Variants in OXR1 observed in about 807,000 individuals in gnomAD.
OXR1 encodes the protein oxidation resistance 1.
OXR1 carries 41 observed loss-of-function variants against 104.6 expected under a neutral mutation model. The observed-to-expected ratio is 0.39, with a 90% CI of 0.31 to 0.51. OXR1 has a LOEUF of 0.51. Among genes scored for constraint, OXR1 ranks in the 20% least tolerant of loss-of-function variants. The probability of loss-of-function intolerance (pLI) is 0.77; values close to 1 mark genes in which losing one functional copy is unlikely to be tolerated. For missense variants in OXR1, 955 were observed against 1,031.9 expected, an observed-to-expected ratio of 0.93 and a Z score of 1.02; for synonymous variants, 348 against 348.4, an observed-to-expected ratio of 1.00 and a Z score of 0.01.
chr8:106,419,244 C>T (rs1010506369), intron 2 of OXR1, among the ~76,000 whole-genome samples: 3 of 152,146 alleles, frequency 2.0e-5, no homozygotes, highest in South Asian at 2.1e-4. Context: ...TCAGAACTCA[C>T]GGTGACTTAA....
chr8:106,343,790 T>G (rs2130279592), intron 1 of OXR1, among the ~76,000 whole-genome samples: 1 of 152,332 alleles, frequency 6.6e-6, no homozygotes. Flanking sequence ...TATTTAGCGC[T>G]TTGTATATCT....
At chr8:106,303,339 C>T (rs901540838) in intron 1 of OXR1, among the ~76,000 whole-genome samples, 1 of 149,310 alleles carries the variant, frequency 6.7e-6, no homozygotes, top group Non-Finnish European at 1.5e-5. Context: ...CTGCAAGCTC[C>T]GCCTCCCAGG....
intron 3 of OXR1, among the ~76,000 whole-genome samples, chr8:106,641,148 A>C (rs1823591647): frequency 6.6e-6 from 1 of 152,224 alleles, no homozygotes; most frequent in African/African-American, 2.4e-5. Flanking sequence ...TTTTGCACAC[A>C]GCTGTCTTCT....
intron 3 of OXR1, among the ~76,000 whole-genome samples, chr8:106,555,917 C>CATATATATAT (rs1180571097): frequency 4.6e-5 from 2 of 43,594 alleles, no homozygotes; most frequent in East Asian, 2.1e-3. Flanking sequence ...TGTAGGCATA[C>CATATATATAT]GTATATATAT....
intron 2 of OXR1, among the ~76,000 whole-genome samples, chr8:106,446,479 G>A (rs559152245): frequency 1.3e-5 from 2 of 152,072 alleles, no homozygotes; most frequent in African/African-American, 2.4e-5. Flanking sequence ...TTAGCCAGGC[G>A]TGGTGGTGTG....
In OXR1 at chr8:106,339,516, AAAAATATAT is replaced by A. The variant is rs1265611045; in HGVS notation, c.-138-19958_-138-19950del. Among the ~76,000 whole-genome samples the A allele has an allele frequency of 4.5e-3, 153 of 33,770 alleles. 4 individuals are homozygous for A. Among genetic ancestry groups the A allele is most frequent in the Non-Finnish European group, 5.9e-3 (122 of 20,520 alleles). The allele number at this position is 33,770 out of a possible 152,430, so 22.2% of individuals were successfully genotyped here. A position where few individuals can be genotyped will look rare whatever the true frequency, so the allele number is the denominator to read the frequency against. On this transcript the variant is annotated intron_variant, in intron 1 of 16. Coordinates refer to ENST00000517566, the MANE Select transcript of OXR1 (RefSeq NM_001198533.2). Reference sequence around the variant, plus strand: ...CCAAAAAAAAAAAAAAAAAAAAAAAAAAAATATATATATATATATATATATATATATATA... The same window carrying A: ...CCAAAAAAAAAAAAAAAAAAAAAAAAATATATATATATATATATATATATA...
At chr8:106,640,581 A>G (rs963022994) in intron 3 of OXR1, among the ~76,000 whole-genome samples, 1 of 152,050 alleles carries the variant, frequency 6.6e-6, no homozygotes, top group African/African-American at 2.4e-5. Context: ...CTCTTTAATA[A>G]TAATAGAATA....
Position 106,702,915 on chromosome 8 carries a change from A to C in OXR1, c.685A>C (p.Ser229Arg), listed in dbSNP as rs1436064941. ...KYITSGKGTVSGVLLVTPNNI... is the reference protein window; with the variant it reads ...KYITSGKGTVRGVLLVTPNNI... ...TCTTTTTTCACCTTAGGGCACAGTC[A>C]GTGGTGTGCTGCTAGTTACACCAAA... Residue 229 changes from serine to arginine, a missense_variant, in exon 8 of 17, where the codon AGT (serine) becomes CGT (arginine). This residue lies in a region of OXR1 where 849 missense variants were observed against 852.9 expected (regional missense o/e 1.00). Transcript: ENST00000517566. The C allele has an allele frequency of 6.2e-7, 1 of 1,612,196 alleles. No homozygotes were observed.
At chr8:106,659,157 G>T (rs914464859) in intron 3 of OXR1, among the ~76,000 whole-genome samples, 5 of 152,002 alleles carry the variant, frequency 3.3e-5, no homozygotes, top group Non-Finnish European at 7.4e-5. Flanking sequence ...ATGGAGTCTC[G>T]CTGTGTTGCC....
chr8:106,594,105 G>C (rs1290284326), intron 3 of OXR1, among the ~76,000 whole-genome samples: 1 of 152,190 alleles, frequency 6.6e-6, no homozygotes, highest in East Asian at 1.9e-4. Context: ...CTTTTGTTAA[G>C]ATTGCTGATG....
At position 106,328,323 on chromosome 8, in the gene OXR1, T is replaced by C. The variant is rs144776779; in HGVS notation, c.-138-31153T>C. ...AAGGTGAAATGGCAGGAACAGAGAATGGGAGACTTTAAAACCAGAGATGCA... is the reference window on the plus strand; with the variant it reads ...AAGGTGAAATGGCAGGAACAGAGAACGGGAGACTTTAAAACCAGAGATGCA... On this transcript the variant is annotated intron_variant, in intron 1 of 16. Coordinates refer to ENST00000517566, the MANE Select transcript of OXR1 (RefSeq NM_001198533.2). 4.6e-5 allele frequency among the ~76,000 whole-genome samples: 7 copies of C among 152,270 alleles called. No individual in the cohort carries two copies. The East Asian group carries it at 1.4e-3, about 29-fold the overall frequency.
chr8:106,479,307 T>C (rs779476131), intron 2 of OXR1, among the ~76,000 whole-genome samples: 35 of 152,050 alleles, frequency 2.3e-4, no homozygotes, highest in Non-Finnish European at 4.3e-4. Context: ...TTAATAATTA[T>C]GCATGCCATC....
At chr8:106,385,005 G>A (rs1161111368) in intron 2 of OXR1, among the ~76,000 whole-genome samples, 2 of 152,114 alleles carry the variant, frequency 1.3e-5, no homozygotes, top group Non-Finnish European at 2.9e-5. Context: ...ATGAGCCACT[G>A]CTCCTGGCCT....
At chr8:106,495,580 A>G (rs12682235) in intron 2 of OXR1, among the ~76,000 whole-genome samples, 65,033 of 152,032 alleles carry the variant, frequency 0.43, 16,899 homozygotes, top group Non-Finnish European at 0.57. Flanking sequence ...GTAAATTCCA[A>G]AATTTGCTGA....
chr8:106,342,105 G>C (rs1157711581), intron 1 of OXR1, among the ~76,000 whole-genome samples: 1 of 150,812 alleles, frequency 6.6e-6, no homozygotes, highest in Non-Finnish European at 1.5e-5. Context: ...TGCTCAGCCT[G>C]GTCTCAAACT....
At chr8:106,468,748 T>C (rs1427690534) in intron 2 of OXR1, among the ~76,000 whole-genome samples, 1 of 151,740 alleles carries the variant, frequency 6.6e-6, no homozygotes, top group African/African-American at 2.4e-5. Flanking sequence ...CGGATTGCAG[T>C]TGGACAAGAA....
chr8:106,714,218 T>C (rs1273276735), intron 11 of OXR1, among the ~76,000 whole-genome samples: 1 of 152,026 alleles, frequency 6.6e-6, no homozygotes, highest in Non-Finnish European at 1.5e-5. Context: ...AGCAATAAAA[T>C]GACTTTTATT....
chr8:106,628,378 G>T (rs921310352), intron 3 of OXR1, among the ~76,000 whole-genome samples: 4 of 152,098 alleles, frequency 2.6e-5, no homozygotes, highest in Non-Finnish European at 4.4e-5. Flanking sequence ...AACCCCAAGA[G>T]ATGTAAATGC....
intron 3 of OXR1, among the ~76,000 whole-genome samples, chr8:106,596,087 A>G (rs748748997): frequency 2.0e-5 from 3 of 152,128 alleles, no homozygotes; most frequent in Non-Finnish European, 4.4e-5. Context: ...TGTTCAATAA[A>G]TATTTATTGA....
Sources: gnomAD v4.1 joint callset for allele counts (sites outside exome capture counted in the v4.1 genomes callset) on GRCh38, gnomAD v4.1.1 for gene constraint, gnomAD v4.1.1 regional missense constraint, MANE v1.5 for transcripts, NCBI Gene and HGNC (gene_info 2026-07-23, HGNC 2026-07-21) for gene names.